CLIC4: variants seen among roughly 807,000 people sequenced by gnomAD.
CLIC4 encodes the protein CLIC family member 4.
Under a neutral mutation model 24.6 loss-of-function variants are expected in CLIC4, and 13 were observed. That is an observed-to-expected ratio of 0.53 (90% CI 0.34 to 0.84). The LOEUF is 0.84. CLIC4 is among the 40% of genes least tolerant of loss of function. The pLI is 0.01. For missense variants in CLIC4, 227 were observed against 301.7 expected (o/e 0.75, Z 1.83); for synonymous variants, 104 against 111.3 (o/e 0.93, Z 0.41).
At chr1:24,817,168 C>G (rs1639679896) in intron 3 of CLIC4, among the ~76,000 whole-genome samples, 1 of 152,172 alleles carries the variant, frequency 6.6e-6, no homozygotes, top group South Asian at 2.1e-4. Flanking sequence ...AATGATCTAT[C>G]TAGAAGATCA....
intron 1 of CLIC4, among the ~76,000 whole-genome samples, chr1:24,779,059 G>A (rs1639174560): frequency 6.6e-6 from 1 of 152,042 alleles, no homozygotes; most frequent in Non-Finnish European, 1.5e-5. Flanking sequence ...ACTGATTAGA[G>A]ACAGTAATGA....
At chr1:24,773,136 T>G (rs1639092542) in intron 1 of CLIC4, among the ~76,000 whole-genome samples, 1 of 152,196 alleles carries the variant, frequency 6.6e-6, no homozygotes, top group African/African-American at 2.4e-5. Flanking sequence ...AACTGTAATC[T>G]CTCTTTTTTC....
chr1:24,778,538 T>C (rs1192869836), intron 1 of CLIC4, among the ~76,000 whole-genome samples: 19 of 152,194 alleles, frequency 1.2e-4, no homozygotes, highest in Admixed American at 1.2e-3. Context: ...TTTTTTTCTT[T>C]CTTTCATTTG....
At chr1:24,764,985 A>C (rs1638976181) in intron 1 of CLIC4, among the ~76,000 whole-genome samples, 1 of 152,224 alleles carries the variant, frequency 6.6e-6, no homozygotes, top group African/African-American at 2.4e-5. Context: ...CTCAGGTGTC[A>C]GTAATGAATG....
intron 2 of CLIC4, among the ~76,000 whole-genome samples, chr1:24,807,402 C>T (rs115724926): frequency 0.032 from 4,826 of 151,988 alleles, 93 homozygotes; most frequent in Non-Finnish European, 0.045. Context: ...TAGAAGGGTG[C>T]GCTCTTACAC....
chr1:24,752,825 C>A (rs573476207), intron 1 of CLIC4, among the ~76,000 whole-genome samples: 1 of 152,102 alleles, frequency 6.6e-6, no homozygotes, highest in Non-Finnish European at 1.5e-5. Context: ...CGGGTTCAAG[C>A]GATTCTTCTG....
In CLIC4 at chr1:24,827,047, A is replaced by G. The variant is rs1639793315; in HGVS notation, c.346A>G (p.Thr116Ala). ...TTCACCAAAACACCCAGAATCAAAT[A>G]CTGCTGGAATGGACATCTTTGCCAA... is the stretch of plus-strand genomic sequence containing the variant. ...KLSPKHPESNTAGMDIFAKFS... is the reference protein window; with the variant it reads ...KLSPKHPESNAAGMDIFAKFS... The change falls in exon 4 of 6, where the codon ACT becomes GCT. Residue 116 changes from threonine (T) to alanine (A), a missense_variant. Coordinates refer to ENST00000374379, the MANE Select transcript of CLIC4 (RefSeq NM_013943.3). 2 of 1,611,374 alleles carry G rather than the reference A, an allele frequency of 1.2e-6. No homozygotes were observed. The highest frequency in any genetic ancestry group is 8.5e-7 in the Non-Finnish European group (1 of 1,178,912).
intron 1 of CLIC4, among the ~76,000 whole-genome samples, chr1:24,772,555 A>G (rs1639082472): frequency 6.6e-6 from 1 of 152,164 alleles, no homozygotes; most frequent in Non-Finnish European, 1.5e-5. Context: ...GCACGATCTC[A>G]GCTCACTGCA....
At chr1:24,762,076 A>G (rs1293933845) in intron 1 of CLIC4, among the ~76,000 whole-genome samples, 1 of 152,176 alleles carries the variant, frequency 6.6e-6, no homozygotes, top group Non-Finnish European at 1.5e-5. Flanking sequence ...TTGATGACAT[A>G]CATATATGTA....
At chr1:24,794,935 T>C (rs1332201818) in intron 1 of CLIC4, among the ~76,000 whole-genome samples, 2 of 152,216 alleles carry the variant, frequency 1.3e-5, no homozygotes, top group East Asian at 1.9e-4. Flanking sequence ...CCCAGCACCA[T>C]TGATTGAATA....
chr1:24,804,233 A>T (rs1035573571), intron 2 of CLIC4, among the ~76,000 whole-genome samples: 2 of 151,620 alleles, frequency 1.3e-5, no homozygotes, highest in Admixed American at 1.3e-4. Context: ...GGAAAGTCAG[A>T]CTCCATTTTT....
chr1:24,796,043 A>G (rs185816917), intron 1 of CLIC4, among the ~76,000 whole-genome samples: 1 of 152,320 alleles, frequency 6.6e-6, no homozygotes, highest in Non-Finnish European at 1.5e-5. Flanking sequence ...TGTACCCCCT[A>G]GGAATTACTG....
intron 2 of CLIC4, among the ~76,000 whole-genome samples, chr1:24,799,635 C>T (rs1315010292): frequency 3.0e-5 from 4 of 134,362 alleles, no homozygotes; most frequent in East Asian, 2.4e-4. Flanking sequence ...GCCGCCCCGT[C>T]GGGGAGGGAG....
In CLIC4 at chr1:24,756,981, C is replaced by T. The variant is rs1638860772; in HGVS notation, c.72+11356C>T. ...CACGATCTCTGCTCACCGCAACCTC[C>T]GCCTCCTAGGTTCAAGCAATTCTCC... On this transcript the variant is annotated intron_variant, in intron 1 of 5. Coordinates refer to ENST00000374379, the MANE Select transcript of CLIC4 (RefSeq NM_013943.3). 2.0e-5 allele frequency among the ~76,000 whole-genome samples: 3 copies of T among 152,038 alleles called. 1 individual carries two copies. The highest frequency in any genetic ancestry group is 4.4e-5 in the Non-Finnish European group (3 of 68,012).
chr1:24,820,834 T>A (rs1639722921), intron 3 of CLIC4, among the ~76,000 whole-genome samples: 1 of 152,202 alleles, frequency 6.6e-6, no homozygotes, highest in Non-Finnish European at 1.5e-5. Context: ...TACATATGAC[T>A]TTAGTTAAAT....
At chr1:24,837,888 T>A (rs1639901474) in intron 4 of CLIC4, among the ~76,000 whole-genome samples, 1 of 152,148 alleles carries the variant, frequency 6.6e-6, no homozygotes, top group Non-Finnish European at 1.5e-5. Flanking sequence ...TAAATGATGT[T>A]CCTTAGGGCT....
chr1:24,827,841 C>T (rs1021318396), intron 4 of CLIC4, among the ~76,000 whole-genome samples: 1 of 151,104 alleles, frequency 6.6e-6, no homozygotes, highest in African/African-American at 2.4e-5. Flanking sequence ...TTCAGTGAAC[C>T]TTGTCTTAAC....
intron 1 of CLIC4, among the ~76,000 whole-genome samples, chr1:24,789,646 G>A (rs752944603): frequency 2.0e-5 from 3 of 151,790 alleles, no homozygotes; most frequent in African/African-American, 4.8e-5. Flanking sequence ...TGTCCCCTTC[G>A]TTTGGCTTTT....
intron 1 of CLIC4, among the ~76,000 whole-genome samples, chr1:24,750,932 AG>A (rs1638766258): frequency 2.0e-5 from 3 of 151,980 alleles, no homozygotes. Flanking sequence ...CCTTGAGGAT[AG>A]GGTGTGCATA....
Sources: gnomAD v4.1 joint callset for allele counts (sites outside exome capture counted in the v4.1 genomes callset) on GRCh38, gnomAD v4.1.1 for gene constraint, MANE v1.5 for transcripts, NCBI Gene and HGNC (gene_info 2026-07-23, HGNC 2026-07-21) for gene names.